GPR158: variants seen among roughly 807,000 people sequenced by gnomAD.
The protein encoded by GPR158 is G protein-coupled receptor 158, also known as metabotropic glycine receptor.
In GPR158, 30 loss-of-function variants were observed where a neutral mutation model predicts 78.2. That is an observed-to-expected ratio of 0.38 (90% CI 0.29 to 0.52). The LOEUF (loss-of-function observed/expected upper bound fraction) is 0.52. GPR158 is among the 20% of genes least tolerant of loss of function. The pLI, the probability that GPR158 is intolerant of heterozygous loss-of-function variation, is 0.83. For missense variants in GPR158, 1,463 were observed against 1,523.5 expected, an observed-to-expected ratio of 0.96 and a Z score of 0.66; for synonymous variants, 581 against 591.1, an observed-to-expected ratio of 0.98 and a Z score of 0.25.
intron 2 of GPR158, among the ~76,000 whole-genome samples, chr10:25,394,184 G>A (rs889373912): frequency 6.6e-6 from 1 of 152,056 alleles, no homozygotes; most frequent in African/African-American, 2.4e-5. Flanking sequence ...CTTATACCCT[G>A]TATTTAACCC....
At chr10:25,182,888 T>A (rs1852630245) in intron 1 of GPR158, among the ~76,000 whole-genome samples, 1 of 152,238 alleles carries the variant, frequency 6.6e-6, no homozygotes, top group Non-Finnish European at 1.5e-5. Context: ...GCAGAATTAC[T>A]AAGATAGCAC....
intron 2 of GPR158, among the ~76,000 whole-genome samples, chr10:25,324,873 C>G (rs1855007850): frequency 7.9e-6 from 1 of 127,334 alleles, no homozygotes; most frequent in Admixed American, 9.3e-5. Context: ...AGGTGTTGCT[C>G]TGTTGCACAG....
At position 25,372,601 on chromosome 10, in the gene GPR158, C is replaced by T. The variant is rs565729474; in HGVS notation, c.1009-23310C>T. Among the ~76,000 whole-genome samples, 1,256 of 146,078 alleles carry T rather than the reference C, an allele frequency of 8.6e-3. 24 individuals are homozygous for T. Among genetic ancestry groups the T allele is most frequent in the African/African-American group, 0.03 (1,184 of 39,400 alleles). On this transcript the variant is annotated intron_variant, in intron 2 of 10. Coordinates refer to ENST00000376351, the MANE Select transcript of GPR158 (RefSeq NM_020752.3). The stretch of plus-strand genomic sequence containing the variant: ...GAAATCACCATTCTCAGTAAACTAT[C>T]GCAAGAACAAAAAACCAAACACCGC...
chr10:25,448,648 C>T (rs1386494014), intron 4 of GPR158, among the ~76,000 whole-genome samples: 1 of 152,140 alleles, frequency 6.6e-6, no homozygotes, highest in African/African-American at 2.4e-5. Context: ...AGTTTCCTGG[C>T]CACAGGGCAG....
At chr10:25,374,096 A>G (rs1834042399) in intron 2 of GPR158, among the ~76,000 whole-genome samples, 1 of 151,666 alleles carries the variant, frequency 6.6e-6, no homozygotes, top group African/African-American at 2.4e-5. Context: ...TTAAGTTTAA[A>G]TGTATATTAT....
chr10:25,513,367 A>T (rs1213751089), intron 5 of GPR158, among the ~76,000 whole-genome samples: 7 of 151,762 alleles, frequency 4.6e-5, no homozygotes, highest in Admixed American at 4.6e-4. Context: ...CTGTGTTATC[A>T]GTTGTAATAT....
At chr10:25,235,942 C>T (rs377069381) in intron 2 of GPR158, among the ~76,000 whole-genome samples, 2 of 151,916 alleles carry the variant, frequency 1.3e-5, no homozygotes, top group Non-Finnish European at 2.9e-5. Flanking sequence ...GTGATCTGCC[C>T]GCCTCAGCCC....
intron 2 of GPR158, among the ~76,000 whole-genome samples, chr10:25,341,122 G>T (rs1284262856): frequency 4.6e-5 from 7 of 151,916 alleles, no homozygotes; most frequent in Non-Finnish European, 8.8e-5. Flanking sequence ...AAATGAATTT[G>T]AAATAAACTC....
chr10:25,276,659 T>C (rs1164596435), intron 2 of GPR158, among the ~76,000 whole-genome samples: 1 of 152,122 alleles, frequency 6.6e-6, no homozygotes, highest in Non-Finnish European at 1.5e-5. Flanking sequence ...GTAACTGGAA[T>C]GAGAGGAGTG....
At chr10:25,368,611 A>C (rs956885602) in intron 2 of GPR158, among the ~76,000 whole-genome samples, 4 of 151,874 alleles carry the variant, frequency 2.6e-5, no homozygotes, top group Non-Finnish European at 5.9e-5. Context: ...GCAGAGAAAA[A>C]GGACTGCTTA....
rs10430593 is a variant in GPR158, at chr10:25,431,189, T to C, written c.1335+18716T>C. Reference sequence around the variant, plus strand: ...AAGAAAAAAACAACCCCATCAAAAATTGGGCGAAGGACATGAACAGACAGT... The same window carrying C: ...AAGAAAAAAACAACCCCATCAAAAACTGGGCGAAGGACATGAACAGACAGT... On this transcript the variant is annotated intron_variant, in intron 4 of 10. Coordinates refer to ENST00000376351, the MANE Select transcript of GPR158 (RefSeq NM_020752.3). 3.2e-5 allele frequency among the ~76,000 whole-genome samples: 2 copies of C among 62,196 alleles called. 1 individual carries two copies. Among genetic ancestry groups the C allele is most frequent in the Admixed American group, 2.6e-4 (2 of 7,782 alleles). The allele number at this position is 62,196 out of a possible 152,430, so 40.8% of individuals were successfully genotyped here.
At chr10:25,313,807 C>T (rs1258606085) in intron 2 of GPR158, among the ~76,000 whole-genome samples, 1 of 152,074 alleles carries the variant, frequency 6.6e-6, no homozygotes, top group Non-Finnish European at 1.5e-5. Flanking sequence ...TTCTTGTGCT[C>T]TCTTTACTGT....
At chr10:25,581,786 C>T (rs1033173678) in intron 7 of GPR158, among the ~76,000 whole-genome samples, 1 of 152,088 alleles carries the variant, frequency 6.6e-6, no homozygotes, top group Non-Finnish European at 1.5e-5. Context: ...TAGTAGCAAG[C>T]GATCCCATAT....
At chr10:25,326,143 CATGT>C (rs1180018726) in intron 2 of GPR158, among the ~76,000 whole-genome samples, 2 of 152,120 alleles carry the variant, frequency 1.3e-5, no homozygotes, top group Non-Finnish European at 2.9e-5. Flanking sequence ...TTCCTGCCCA[CATGT>C]CCATGTGCTC....
chr10:25,288,449 C>T (rs1255002442), intron 2 of GPR158, among the ~76,000 whole-genome samples: 1 of 152,160 alleles, frequency 6.6e-6, no homozygotes, highest in Non-Finnish European at 1.5e-5. Flanking sequence ...TTCCATTTCC[C>T]ATGCTATTTT....
intron 4 of GPR158, among the ~76,000 whole-genome samples, chr10:25,441,224 C>A (rs1412450385): frequency 6.6e-6 from 1 of 152,180 alleles, no homozygotes; most frequent in Non-Finnish European, 1.5e-5. Context: ...CTCAGAATCA[C>A]AGAAGTCATG....
chr10:25,330,367 A>G (rs1351281161), intron 2 of GPR158, among the ~76,000 whole-genome samples: 5 of 152,212 alleles, frequency 3.3e-5, no homozygotes, highest in Admixed American at 6.5e-5. Flanking sequence ...AAGCAAAGTC[A>G]CATATACTAA....
intron 2 of GPR158, among the ~76,000 whole-genome samples, chr10:25,316,775 A>G (rs926438081): frequency 3.9e-5 from 6 of 152,168 alleles, no homozygotes; most frequent in African/African-American, 1.4e-4. Context: ...CATGCTTGTG[A>G]GTTCACTCAG....
chr10:25,405,121 T>C (rs1834495153), intron 3 of GPR158, among the ~76,000 whole-genome samples: 1 of 152,080 alleles, frequency 6.6e-6, no homozygotes, highest in Non-Finnish European at 1.5e-5. Context: ...ATAAATTACA[T>C]CAATGTAGAA....
Sources: allele counts gnomAD v4.1 joint callset (sites outside exome capture counted in the v4.1 genomes callset), GRCh38; gene constraint gnomAD v4.1.1; transcripts MANE v1.5; gene names NCBI Gene and HGNC (gene_info 2026-07-23, HGNC 2026-07-21).